PRPSAP2: variants seen among roughly 807,000 people sequenced by gnomAD.
The protein encoded by PRPSAP2 is phosphoribosyl pyrophosphate synthetase associated protein 2, also known as phosphoribosyl pyrophosphate synthase-associated protein 2.
PRPSAP2 carries 24 observed loss-of-function variants against 40.6 expected under a neutral mutation model. That is an observed-to-expected ratio of 0.59 (90% confidence interval 0.43 to 0.83). PRPSAP2 has a LOEUF of 0.83. Among genes scored for constraint, PRPSAP2 ranks in the 40% least tolerant of loss-of-function variants. The probability of loss-of-function intolerance (pLI) is 0.00; values close to 1 mark genes in which losing one functional copy is unlikely to be tolerated. For missense variants in PRPSAP2, 292 were observed against 465.6 expected (o/e 0.63, Z 3.43); for synonymous variants, 149 against 164.7 (o/e 0.90, Z 0.73).
At chr17:18,902,226 T>C (rs898462372) in intron 8 of PRPSAP2, among the ~76,000 whole-genome samples, 1 of 152,218 alleles carries the variant, frequency 6.6e-6, no homozygotes, top group Non-Finnish European at 1.5e-5. Context: ...GAGGGATGGA[T>C]GTAGTAGCCT....
intron 9 of PRPSAP2, among the ~76,000 whole-genome samples, chr17:18,916,696 A>T (rs1055319902): frequency 2.0e-5 from 3 of 152,148 alleles, no homozygotes; most frequent in East Asian, 1.9e-4. Context: ...TGGGTAATTT[A>T]TAAACAACAG....
At chr17:18,893,119 A>G (rs1207220057) in intron 8 of PRPSAP2, among the ~76,000 whole-genome samples, 1 of 151,654 alleles carries the variant, frequency 6.6e-6, no homozygotes, top group African/African-American at 2.4e-5. Flanking sequence ...TCTTTCACAC[A>G]AAAAGGTTTC....
chr17:18,930,241 C>T (rs1457445343), intron 11 of PRPSAP2, among the ~76,000 whole-genome samples: 3 of 152,046 alleles, frequency 2.0e-5, no homozygotes, highest in Non-Finnish European at 1.5e-5. Flanking sequence ...AGCGTGGTGG[C>T]GGGCGCCTGT....
intron 9 of PRPSAP2, among the ~76,000 whole-genome samples, chr17:18,913,512 G>GTCACT (rs796192853): frequency 2.7e-4 from 40 of 145,574 alleles, no homozygotes; most frequent in African/African-American, 1.0e-3. Context: ...GGGTCATTGA[G>GTCACT]TCACTGTCTT....
chr17:18,880,658 C>G (rs570838747), intron 6 of PRPSAP2, among the ~76,000 whole-genome samples: 14 of 152,282 alleles, frequency 9.2e-5, no homozygotes, highest in African/African-American at 2.4e-4. Context: ...ATACTCCTGC[C>G]TCGGCCTCCC....
At position 18,930,842 on chromosome 17, in the gene PRPSAP2, C is replaced by T. The variant is rs1277977809; in HGVS notation, c.*144C>T. 1 of 670,424 alleles carries T rather than the reference C, an allele frequency of 1.5e-6. No individual in the cohort carries two copies. Among genetic ancestry groups the T allele is most frequent in the Non-Finnish European group, 2.2e-6 (1 of 461,118 alleles). The allele number at this position is 670,424 out of a possible 1,614,324, so 41.5% of individuals were successfully genotyped here. A position where few individuals can be genotyped will look rare whatever the true frequency, so the allele number is the denominator to read the frequency against. On this transcript the variant is annotated 3_prime_UTR_variant, in exon 12 of 12. Transcript: ENST00000268835. Reference sequence around the variant, plus strand: ...CTTATTGATTCCTAAGAAGATAGACCAACTTTTTATGTCGGTTTGGGTGTT... The same window carrying T: ...CTTATTGATTCCTAAGAAGATAGACTAACTTTTTATGTCGGTTTGGGTGTT...
intron 11 of PRPSAP2, 65 bp downstream of exon 11, chr17:18,929,022 T>C (rs2093449065): frequency 3.8e-6 from 6 of 1,560,552 alleles, no homozygotes; most frequent in Non-Finnish European, 5.2e-6. Flanking sequence ...GATCTTTAGT[T>C]ACAGAGAGTC....
intron 10 of PRPSAP2, among the ~76,000 whole-genome samples, chr17:18,927,858 C>T (rs1402719538): frequency 6.6e-6 from 1 of 152,124 alleles, no homozygotes; most frequent in Non-Finnish European, 1.5e-5. Flanking sequence ...CAGATCACTG[C>T]AACTTCTACC....
At chr17:18,914,359 G>A (rs1406146628) in intron 9 of PRPSAP2, among the ~76,000 whole-genome samples, 12 of 137,518 alleles carry the variant, frequency 8.7e-5, no homozygotes, top group Non-Finnish European at 6.1e-5. Context: ...CCGGGCCCAA[G>A]CCATTCTCCT....
intron 4 of PRPSAP2, among the ~76,000 whole-genome samples, chr17:18,869,087 T>G (rs1035448764): frequency 2.0e-5 from 3 of 152,096 alleles, no homozygotes; most frequent in Non-Finnish European, 4.4e-5. Context: ...GTCTGGAGTC[T>G]AGGAGGGAAG....
At chr17:18,875,330 G>A (rs1046854951) in intron 5 of PRPSAP2, among the ~76,000 whole-genome samples, 3 of 152,014 alleles carry the variant, frequency 2.0e-5, no homozygotes. Context: ...TTGGGAGGTC[G>A]AGGTGGGCAT....
intron 1 of PRPSAP2, among the ~76,000 whole-genome samples, chr17:18,861,974 G>A (rs755621275): frequency 3.9e-5 from 6 of 152,062 alleles, no homozygotes; most frequent in Non-Finnish European, 5.9e-5. Flanking sequence ...TGCAACCTCC[G>A]CCTCCCAGGT....
chr17:18,882,104 G>T (rs1010056321), intron 6 of PRPSAP2, among the ~76,000 whole-genome samples: 1 of 151,856 alleles, frequency 6.6e-6, no homozygotes, highest in Admixed American at 6.6e-5. Context: ...CTCCCAAAGT[G>T]CTGGGATTAC....
chr17:18,861,189 G>A (rs918480170), intron 1 of PRPSAP2, among the ~76,000 whole-genome samples: 6 of 152,352 alleles, frequency 3.9e-5, no homozygotes, highest in South Asian at 2.1e-4. Context: ...TTATGGCCGG[G>A]CGCAGTGGCT....
intron 1 of PRPSAP2, among the ~76,000 whole-genome samples, chr17:18,860,253 G>A (rs1435222564): frequency 1.3e-5 from 2 of 150,808 alleles, no homozygotes; most frequent in Admixed American, 6.6e-5. Flanking sequence ...TAGGGGTTTC[G>A]CCTTGTTGAC....
chr17:18,918,212 G>C (rs1003182013), intron 9 of PRPSAP2, among the ~76,000 whole-genome samples: 1 of 152,170 alleles, frequency 6.6e-6, no homozygotes, highest in Non-Finnish European at 1.5e-5. Context: ...TAAGGGGTGG[G>C]GGACTGAGCT....
At chr17:18,870,109 A>G (rs2037753002) in intron 4 of PRPSAP2, among the ~76,000 whole-genome samples, 1 of 152,084 alleles carries the variant, frequency 6.6e-6, no homozygotes, top group African/African-American at 2.4e-5. Context: ...CAGCCTCCCA[A>G]ACTATTTTCC....
At chr17:18,871,394 TA>T (rs1471146322) in intron 4 of PRPSAP2, among the ~76,000 whole-genome samples, 3 of 152,202 alleles carry the variant, frequency 2.0e-5, no homozygotes, top group African/African-American at 7.2e-5. Flanking sequence ...GGATTTTTTT[TA>T]AAAAATATCT....
intron 9 of PRPSAP2, among the ~76,000 whole-genome samples, chr17:18,916,851 G>A (rs1232037069): frequency 6.6e-6 from 1 of 152,178 alleles, no homozygotes; most frequent in Non-Finnish European, 1.5e-5. Flanking sequence ...GCAGCTCTCT[G>A]TAAGGGCACT....
Sources: gnomAD v4.1 joint callset for allele counts (sites outside exome capture counted in the v4.1 genomes callset) on GRCh38, gnomAD v4.1.1 for gene constraint, MANE v1.5 for transcripts, NCBI Gene and HGNC (gene_info 2026-07-23, HGNC 2026-07-21) for gene names.